CCSER1: variants seen among roughly 807,000 people sequenced by gnomAD.
CCSER1 encodes serine-rich coiled-coil domain-containing protein 1.
A neutral mutation model predicts 82.0 loss-of-function variants in CCSER1; 41 were observed. That is an observed-to-expected ratio of 0.50 (90% confidence interval 0.39 to 0.65). The LOEUF (loss-of-function observed/expected upper bound fraction) is 0.65, where lower values mean the gene tolerates loss of function less well. CCSER1 is among the 30% of genes least tolerant of loss of function. The pLI, the probability that CCSER1 is intolerant of heterozygous loss-of-function variation, is 0.00. For missense variants in CCSER1, 1,119 were observed against 1,064.2 expected (o/e 1.05, Z -0.72); for synonymous variants, 414 against 383.9 (o/e 1.08, Z -0.92).
At chr4:91,168,678 G>A (rs1476893242) in intron 10 of CCSER1, among the ~76,000 whole-genome samples, 1 of 152,126 alleles carries the variant, frequency 6.6e-6, no homozygotes, top group African/African-American at 2.4e-5. Context: ...GCCCCATCTG[G>A]GAGGTGTACC....
intron 10 of CCSER1, among the ~76,000 whole-genome samples, chr4:91,167,874 C>T (rs893573385): frequency 1.3e-5 from 2 of 152,262 alleles, no homozygotes; most frequent in African/African-American, 4.8e-5. Context: ...GCTGCTCACC[C>T]CATCTGGGAA....
intron 7 of CCSER1, among the ~76,000 whole-genome samples, chr4:90,779,639 CA>C (rs1261361720): frequency 6.6e-6 from 1 of 152,178 alleles, no homozygotes; most frequent in Non-Finnish European, 1.5e-5. Flanking sequence ...GATTCTGTAG[CA>C]GTCACCTTGG....
intron 5 of CCSER1, among the ~76,000 whole-genome samples, chr4:90,567,264 A>G (rs1448930754): frequency 6.8e-6 from 1 of 148,096 alleles, no homozygotes; most frequent in Admixed American, 6.7e-5. Context: ...GCTGTTTCCC[A>G]TAGGTTTTGA....
chr4:91,326,715 CT>C (rs1229017498), intron 10 of CCSER1, among the ~76,000 whole-genome samples: 6 of 152,144 alleles, frequency 3.9e-5, no homozygotes, highest in African/African-American at 4.8e-5. Flanking sequence ...TCCCTTCTGC[CT>C]ATGAGCCTGT....
At chr4:91,422,548 G>GACATTGGTGCTTATGAAATAC (rs1313916932) in intron 10 of CCSER1, among the ~76,000 whole-genome samples, 1 of 152,122 alleles carries the variant, frequency 6.6e-6, no homozygotes, top group East Asian at 1.9e-4. Context: ...GAATTAGGAG[G>GACATTGGTGCTTATGAAATAC]ACATTGGTGC....
chr4:91,481,365 C>T (rs191457831), intron 10 of CCSER1, among the ~76,000 whole-genome samples: 2 of 151,998 alleles, frequency 1.3e-5, no homozygotes, highest in African/African-American at 2.4e-5. Context: ...TGTGTTCTCA[C>T]GTGATCTTTC....
intron 9 of CCSER1, among the ~76,000 whole-genome samples, chr4:91,065,168 A>G (rs1259305405): frequency 2.0e-5 from 3 of 152,176 alleles, no homozygotes; most frequent in Non-Finnish European, 4.4e-5. Flanking sequence ...GTATAAGGAA[A>G]GAGAATGTGA....
At chr4:91,574,226 A>C (rs1763329420) in intron 10 of CCSER1, among the ~76,000 whole-genome samples, 1 of 146,558 alleles carries the variant, frequency 6.8e-6, no homozygotes, top group Non-Finnish European at 1.5e-5. Flanking sequence ...ATTATTAAAA[A>C]GTCAAAAAAC....
chr4:90,505,652 C>T (rs1462846196), intron 5 of CCSER1, among the ~76,000 whole-genome samples: 3 of 152,166 alleles, frequency 2.0e-5, no homozygotes, highest in Non-Finnish European at 4.4e-5. Flanking sequence ...ACTGAGAGTT[C>T]ATCTTTCTTT....
chr4:90,431,654 T>C (rs2153566861), intron 4 of CCSER1, among the ~76,000 whole-genome samples: 1 of 152,258 alleles, frequency 6.6e-6, no homozygotes, highest in Admixed American at 6.5e-5. Context: ...TTTTTATTAG[T>C]GTAGCCCTAA....
chr4:90,839,907 A>G lies in CCSER1; in HGVS notation c.2094+24062A>G, dbSNP rs138071467. 5.1e-3 allele frequency among the ~76,000 whole-genome samples: 775 copies of G among 152,290 alleles called. 5 individuals carry two copies. Among genetic ancestry groups the G allele is most frequent in the African/African-American group, 0.017 (704 of 41,568 alleles). The stretch of plus-strand genomic sequence containing the variant: ...ACATGAATTGTATATTTATTCTCTC[A>G]TCTTTTAGTCATTAGTCAATATTCT... On this transcript the variant is annotated intron_variant, in intron 8 of 10. Coordinates refer to ENST00000509176, the MANE Select transcript of CCSER1 (RefSeq NM_001145065.2).
At chr4:91,001,007 A>G (rs1032516640) in intron 9 of CCSER1, among the ~76,000 whole-genome samples, 1 of 151,932 alleles carries the variant, frequency 6.6e-6, no homozygotes, top group African/African-American at 2.4e-5. Context: ...GTTCCAGGGG[A>G]ATGCTTTCAG....
rs149704718 is a variant in CCSER1, at chr4:90,146,963, G to T, written c.-42+19132G>T. On this transcript the variant is annotated intron_variant, in intron 1 of 10. Coordinates refer to ENST00000509176, the MANE Select transcript of CCSER1 (RefSeq NM_001145065.2). ...CATTTTTATGATCTCAAGAATTTAT[G>T]AAGTCAAACCACAATGTTTCTTCTA... Among the ~76,000 whole-genome samples the T allele has an allele frequency of 3.4e-4, 52 of 152,144 alleles. No homozygotes were observed. The East Asian group carries it at 9.4e-3, about 28-fold the overall frequency.
At chr4:91,439,145 T>G (rs1053289600) in intron 10 of CCSER1, among the ~76,000 whole-genome samples, 1 of 151,946 alleles carries the variant, frequency 6.6e-6, no homozygotes, top group African/African-American at 2.4e-5. Flanking sequence ...ACAAAGATAC[T>G]CCTCGAGAAG....
intron 5 of CCSER1, among the ~76,000 whole-genome samples, chr4:90,503,972 C>T (rs1770317270): frequency 1.3e-5 from 2 of 152,024 alleles, no homozygotes; most frequent in Admixed American, 1.3e-4. Context: ...CACACATGAT[C>T]CTTTCTCATA....
intron 10 of CCSER1, among the ~76,000 whole-genome samples, chr4:91,286,522 A>T (rs1200527545): frequency 6.6e-6 from 1 of 151,842 alleles, no homozygotes; most frequent in Non-Finnish European, 1.5e-5. Flanking sequence ...AATTGTAATC[A>T]GTATTGTTAC....
At chr4:90,933,822 T>C (rs1017933198) in intron 9 of CCSER1, among the ~76,000 whole-genome samples, 3 of 151,982 alleles carry the variant, frequency 2.0e-5, no homozygotes, top group Non-Finnish European at 4.4e-5. Flanking sequence ...ATGAATATTA[T>C]TTTACTGTAA....
chr4:91,126,086 A>G (rs2148899519), intron 10 of CCSER1, among the ~76,000 whole-genome samples: 1 of 151,850 alleles, frequency 6.6e-6, no homozygotes, highest in Middle Eastern at 3.4e-3. Flanking sequence ...AGACTTATGT[A>G]TATATTTCTA....
At chr4:91,593,466 G>GTTTTTTTTTTTTTT (rs1308070910) in intron 10 of CCSER1, among the ~76,000 whole-genome samples, 3 of 75,454 alleles carry the variant, frequency 4.0e-5, no homozygotes, top group African/African-American at 5.4e-5. Context: ...TCAACCCCGT[G>GTTTTTTTTTTTTTT]CTTTTTTTTT....
Sources: gnomAD v4.1 joint callset for allele counts (sites outside exome capture counted in the v4.1 genomes callset) on GRCh38, gnomAD v4.1.1 for gene constraint, MANE v1.5 for transcripts, NCBI Gene and HGNC (gene_info 2026-07-23, HGNC 2026-07-21) for gene names.